SEC61A2: variants seen among roughly 807,000 people sequenced by gnomAD.
The protein encoded by SEC61A2 is SEC61 translocon subunit alpha 2.
Under a neutral mutation model 59.9 loss-of-function variants are expected in SEC61A2, and 28 were observed. The observed-to-expected ratio is 0.47, with a 90% CI of 0.35 to 0.64. SEC61A2 has a LOEUF of 0.64. Among genes scored for constraint, SEC61A2 ranks in the 30% least tolerant of loss-of-function variants. The pLI, the probability that SEC61A2 is intolerant of heterozygous loss-of-function variation, is 0.01. For missense variants in SEC61A2, 340 were observed against 585.9 expected (o/e 0.58, Z 4.33); for synonymous variants, 202 against 214.4 (o/e 0.94, Z 0.50).
Position 12,153,680 on chromosome 10 carries a change from A to G in SEC61A2, c.463-2098A>G. ...GCTAATTCTTCTAATGTTAATATAT[A>G]AAGAGGGGTGTCATGTTTGATTGTA... On this transcript the variant is annotated intron_variant, in intron 6 of 11. Coordinates refer to ENST00000298428, the MANE Select transcript of SEC61A2 (RefSeq NM_018144.4). This position sits in a 1 kb window ranked among gnomAD's most constrained non-coding sequence, Gnocchi z 5.2. 1 of 1,580,780 alleles carries G rather than the reference A, an allele frequency of 6.3e-7. No homozygotes were observed. The highest frequency in any genetic ancestry group is 8.6e-7 in the Non-Finnish European group (1 of 1,163,744).
Position 12,156,847 on chromosome 10 carries a change from T to G in SEC61A2, c.617-60T>G. The G allele has an allele frequency of 2.6e-6, 4 of 1,564,140 alleles. No individual in the cohort carries two copies. The highest frequency in any genetic ancestry group is 3.5e-6 in the Non-Finnish European group (4 of 1,153,712). ...TACTGGACTTTCACGGTTAGTTGTT[T>G]GAGCTTTGGGACAGCTTTGGACGAT... On this transcript the variant is annotated intron_variant, in intron 7 of 11. Coordinates refer to ENST00000298428, the MANE Select transcript of SEC61A2 (RefSeq NM_018144.4). The surrounding 1 kb of genome is among the most constrained non-coding windows in gnomAD (Gnocchi z 5.2).
intron 1 of SEC61A2, among the ~76,000 whole-genome samples, chr10:12,131,890 G>T (rs201800828): frequency 1 from 7,329 of 7,332 alleles, 3,663 homozygotes; most frequent in Middle Eastern, 1. Flanking sequence ...AGAGACGGGG[G>T]TTCACCATGT....
rs1834373014 is a variant in SEC61A2 at position 12,155,370 on chromosome 10, A to G, written c.463-408A>G. On this transcript the variant is annotated intron_variant, in intron 6 of 11. Coordinates refer to ENST00000298428, the MANE Select transcript of SEC61A2 (RefSeq NM_018144.4). The surrounding 1 kb of genome is among the most constrained non-coding windows in gnomAD (Gnocchi z 4.3). ...CAGTGTACATTTCCATCTTGCTATT[A>G]TACCAGAATTCATCTGACTTTTTAC... The G allele has an allele frequency of 6.4e-7, 1 of 1,567,088 alleles. No individual in the cohort carries two copies. Among genetic ancestry groups the G allele is most frequent in the East Asian group, 2.3e-5 (1 of 43,972 alleles).
Position 12,155,637 on chromosome 10 carries a change from C to T in SEC61A2, c.463-141C>T. On this transcript the variant is annotated intron_variant, in intron 6 of 11. Coordinates refer to ENST00000298428, the MANE Select transcript of SEC61A2 (RefSeq NM_018144.4). The surrounding 1 kb of genome is among the most constrained non-coding windows in gnomAD (Gnocchi z 4.3). ...GTAAATGAAAGCAGGCCAAAAGATG[C>T]AGTTGGTCATCACAGTGAGATTGCA... The T allele has an allele frequency of 2.1e-6, 2 of 946,826 alleles. No homozygotes were observed. The highest frequency in any genetic ancestry group is 1.6e-6 in the Non-Finnish European group (1 of 612,624). 58.7% of individuals were successfully genotyped at this position (946,826 alleles called of 1,614,324 possible).
downstream of SEC61A2, chr10:12,169,481 G>A (rs2131697046): frequency 3.4e-6 from 2 of 580,358 alleles, no homozygotes; most frequent in Non-Finnish European, 3.0e-6. The surrounding 1 kb of genome is among the most constrained non-coding windows in gnomAD (Gnocchi z 4.8). Context: ...ATGGTCCGCG[G>A]AGCCTCAAAC....
In SEC61A2 at chr10:12,158,113, T is replaced by A; in HGVS notation, c.975+8T>A. On this transcript the variant is annotated splice_region_variant and intron_variant, in intron 9 of 11. Coordinates refer to ENST00000298428, the MANE Select transcript of SEC61A2 (RefSeq NM_018144.4). The surrounding 1 kb of genome is among the most constrained non-coding windows in gnomAD (Gnocchi z 5.7). Reference sequence around the variant, plus strand: ...TTACTAGGACAGTGGGCCGTGAGTATTATGTTTATTTACATTATTTATAGT... The same window carrying A: ...TTACTAGGACAGTGGGCCGTGAGTAATATGTTTATTTACATTATTTATAGT... 1 of 1,581,972 alleles carries A rather than the reference T, an allele frequency of 6.3e-7. No homozygotes were observed. Among genetic ancestry groups the A allele is most frequent in the Non-Finnish European group, 8.7e-7 (1 of 1,152,452 alleles).
intron 4 of SEC61A2, among the ~76,000 whole-genome samples, chr10:12,148,626 A>G (rs1038715053): frequency 6.6e-6 from 1 of 150,750 alleles, no homozygotes; most frequent in Admixed American, 6.6e-5. Flanking sequence ...TGCAACCTCC[A>G]ACTCCTCGGT....
Position 12,129,746 on chromosome 10 carries a change from G to A in SEC61A2, c.-42G>A, listed in dbSNP as rs970961317. 2.0e-6 allele frequency: 3 copies of A among 1,485,406 alleles called. No homozygotes were observed. The highest frequency in any genetic ancestry group is 3.7e-4 in the Middle Eastern group (2 of 5,342). 92.0% of individuals were successfully genotyped at this position (1,485,406 alleles called of 1,614,324 possible). ...GCCGCGGGAGTCGAGCGAAGGCAGC[G>A]CCGAGGCCGCGGTTTCCCCCTGGGC... On this transcript the variant is annotated 5_prime_UTR_variant, in exon 1 of 12. Coordinates refer to ENST00000298428, the MANE Select transcript of SEC61A2 (RefSeq NM_018144.4). This position sits in a 1 kb window ranked among gnomAD's most constrained non-coding sequence, Gnocchi z 5.6.
At chr10:12,130,698 G>C (rs1475452427) in intron 1 of SEC61A2, 1 of 154,360 alleles carries the variant, frequency 6.5e-6, no homozygotes, top group Non-Finnish European at 1.5e-5. Flanking sequence ...CTTGTTTCGC[G>C]TTAGCAATGA....
In SEC61A2 at chr10:12,143,463, C is replaced by T. The variant is rs12219616; in HGVS notation, c.220+268C>T. Among the ~76,000 whole-genome samples, 1,947 of 152,064 alleles carry T rather than the reference C, an allele frequency of 0.013. 31 individuals carry two copies. The highest frequency in any genetic ancestry group is 0.082 in the East Asian group (425 of 5,156). On this transcript the variant is annotated intron_variant, in intron 4 of 11. Transcript: ENST00000298428. The surrounding 1 kb of genome is among the most constrained non-coding windows in gnomAD (Gnocchi z 4.8). The stretch of plus-strand genomic sequence containing the variant: ...TGGAATTGGAGTCCAGGTGGGGCGC[C>T]GTGGCTCACCCCTGTAATCCCAGCA...
At chr10:12,168,340 G>A (rs1834761638), downstream of SEC61A2, among the ~76,000 whole-genome samples, 1 of 152,086 alleles carries the variant, frequency 6.6e-6, no homozygotes, top group Non-Finnish European at 1.5e-5. The surrounding 1 kb of genome is among the most constrained non-coding windows in gnomAD (Gnocchi z 4.8). Context: ...GATTTTATGT[G>A]TGAAAACAGC....
chr10:12,153,165 G>A lies in SEC61A2; in HGVS notation c.463-2613G>A, dbSNP rs539584761. 2.6e-4 allele frequency among the ~76,000 whole-genome samples: 39 copies of A among 152,170 alleles called. No individual in the cohort carries two copies. Among genetic ancestry groups the A allele is most frequent in the Middle Eastern group, 3.4e-3 (1 of 292 alleles). Reference sequence around the variant, plus strand: ...TGGGAATTAGGGAAAGAGGCGCATTGGATGGGGAGAGATGATATTCTGGAG... The same window carrying A: ...TGGGAATTAGGGAAAGAGGCGCATTAGATGGGGAGAGATGATATTCTGGAG... On this transcript the variant is annotated intron_variant, in intron 6 of 11. Transcript: ENST00000298428. This position sits in a 1 kb window ranked among gnomAD's most constrained non-coding sequence, Gnocchi z 5.2.
At position 12,164,135 on chromosome 10, in the gene SEC61A2, C is replaced by A; in HGVS notation, c.1245-133C>A. On this transcript the variant is annotated intron_variant, in intron 11 of 11. Transcript: ENST00000298428. This position sits in a 1 kb window ranked among gnomAD's most constrained non-coding sequence, Gnocchi z 7.3. Reference sequence around the variant, plus strand: ...GTGCCCTGCACACCCCTCCACACTGCAGCCTGTTCCCTCTGGAGTTCAGGG... The same window carrying A: ...GTGCCCTGCACACCCCTCCACACTGAAGCCTGTTCCCTCTGGAGTTCAGGG... The A allele has an allele frequency of 2.0e-6, 2 of 981,326 alleles. No individual in the cohort carries two copies. The highest frequency in any genetic ancestry group is 3.0e-6 in the Non-Finnish European group (2 of 673,590). The allele number at this position is 981,326 out of a possible 1,614,324, so 60.8% of individuals were successfully genotyped here.
At chr10:12,169,934 A>G (rs1259026299), downstream of SEC61A2, 1 of 573,970 alleles carries the variant, frequency 1.7e-6, no homozygotes, top group Non-Finnish European at 3.1e-6. The surrounding 1 kb of genome is among the most constrained non-coding windows in gnomAD (Gnocchi z 4.8). Context: ...AAACACTTAT[A>G]CCCAATAAAA....
At chr10:12,146,788 G>A (rs1834149801) in intron 4 of SEC61A2, among the ~76,000 whole-genome samples, 1 of 152,204 alleles carries the variant, frequency 6.6e-6, no homozygotes, top group Non-Finnish European at 1.5e-5. Context: ...AAAGTGCTGG[G>A]ATTACAGGTG....
In SEC61A2 at chr10:12,142,485, T is replaced by G. The variant is rs549973711; in HGVS notation, c.142-632T>G. 1 of 974,196 alleles carries G rather than the reference T, an allele frequency of 1.0e-6. No homozygotes were observed. Among genetic ancestry groups the G allele is most frequent in the East Asian group, 1.1e-4 (1 of 8,778 alleles). 60.3% of individuals were successfully genotyped at this position (974,196 alleles called of 1,614,324 possible). A position where few individuals can be genotyped will look rare whatever the true frequency, so the allele number is the denominator to read the frequency against. ...ATGTAATATTCCATTGTGGATATCA[T>G]CTTCAGTCTTACATTGAGAAGAGTG... On this transcript the variant is annotated intron_variant, in intron 3 of 11. Transcript: ENST00000298428. This position sits in a 1 kb window ranked among gnomAD's most constrained non-coding sequence, Gnocchi z 5.4.
Position 12,142,671 on chromosome 10 carries a change from A to C in SEC61A2, c.142-446A>C. 9.5e-6 allele frequency: 2 copies of C among 211,096 alleles called. No homozygotes were observed. The highest frequency in any genetic ancestry group is 1.6e-5 in the Non-Finnish European group (2 of 121,452). 13.1% of individuals were successfully genotyped at this position (211,096 alleles called of 1,614,324 possible). A position where few individuals can be genotyped will look rare whatever the true frequency, so the allele number is the denominator to read the frequency against. Reference sequence around the variant, plus strand: ...TTTAGATGTGCAGTTTAGTAACATTAGGAATGTTCACATTGTTGTACCACC... The same window carrying C: ...TTTAGATGTGCAGTTTAGTAACATTCGGAATGTTCACATTGTTGTACCACC... On this transcript the variant is annotated intron_variant, in intron 3 of 11. Coordinates refer to ENST00000298428, the MANE Select transcript of SEC61A2 (RefSeq NM_018144.4). This position sits in a 1 kb window ranked among gnomAD's most constrained non-coding sequence, Gnocchi z 5.4.
Position 12,164,554 on chromosome 10 carries a change from TTTC to T in SEC61A2, c.*103_*105del, listed in dbSNP as rs553299981. 2.1e-4 allele frequency: 324 copies of T among 1,509,818 alleles called. 1 individual carries two copies. The African/African-American group carries it at 3.7e-3, about 17-fold the overall frequency. The allele number at this position is 1,509,818 out of a possible 1,614,324, so 93.5% of individuals were successfully genotyped here. A position where few individuals can be genotyped will look rare whatever the true frequency, so the allele number is the denominator to read the frequency against. Reference sequence around the variant, plus strand: ...TGGCTCCCCTTTTCTCCCCTCACAGTTTCTTGTTTCGAGTGCTGACTGACCCGT... The same window carrying T: ...TGGCTCCCCTTTTCTCCCCTCACAGTTTGTTTCGAGTGCTGACTGACCCGT... On this transcript the variant is annotated 3_prime_UTR_variant, in exon 12 of 12. Transcript: ENST00000298428. This position sits in a 1 kb window ranked among gnomAD's most constrained non-coding sequence, Gnocchi z 7.3.
At position 12,164,171 on chromosome 10, in the gene SEC61A2, C is replaced by T; in HGVS notation, c.1245-97C>T. On this transcript the variant is annotated intron_variant, in intron 11 of 11. Coordinates refer to ENST00000298428, the MANE Select transcript of SEC61A2 (RefSeq NM_018144.4). The surrounding 1 kb of genome is among the most constrained non-coding windows in gnomAD (Gnocchi z 7.3). Reference sequence around the variant, plus strand: ...CTCTGGAGTTCAGGGAGGCTTTAGACCCAGCTATGGCTGCTGCGCCTCGAC... The same window carrying T: ...CTCTGGAGTTCAGGGAGGCTTTAGATCCAGCTATGGCTGCTGCGCCTCGAC... 5 of 1,427,516 alleles carry T rather than the reference C, an allele frequency of 3.5e-6. No individual in the cohort carries two copies. The highest frequency in any genetic ancestry group is 4.8e-6 in the Non-Finnish European group (5 of 1,051,676). The allele number at this position is 1,427,516 out of a possible 1,614,324, so 88.4% of individuals were successfully genotyped here.
Sources: allele counts gnomAD v4.1 joint callset (sites outside exome capture counted in the v4.1 genomes callset), GRCh38; gene constraint gnomAD v4.1.1; non-coding constraint Gnocchi (gnomAD v3.1); transcripts MANE v1.5; gene names NCBI Gene and HGNC (gene_info 2026-07-23, HGNC 2026-07-21).